ATP13A4: variants seen among roughly 807,000 people sequenced by gnomAD.
ATP13A4 encodes the protein probable cation-transporting ATPase 13A4.
ATP13A4 carries 114 observed loss-of-function variants against 142.5 expected under a neutral mutation model. The ratio of observed to expected loss-of-function variants is 0.80; its 90% CI spans 0.69 to 0.93. The LOEUF (loss-of-function observed/expected upper bound fraction) is 0.93. ATP13A4 is among the 40% of genes least tolerant of loss of function. The pLI is 0.00. For missense variants in ATP13A4, 1,392 were observed against 1,454.0 expected, an observed-to-expected ratio of 0.96 and a Z score of 0.69; for synonymous variants, 488 against 514.8, an observed-to-expected ratio of 0.95 and a Z score of 0.70.
At chr3:193,500,371 G>A (rs1228400489) in intron 3 of ATP13A4, among the ~76,000 whole-genome samples, 1 of 151,916 alleles carries the variant, frequency 6.6e-6, no homozygotes, top group Non-Finnish European at 1.5e-5. Flanking sequence ...CTCTTAGCCT[G>A]TTTCCAAACC....
At chr3:193,592,789 C>T (rs773647445) in intron 1 of ATP13A4, among the ~76,000 whole-genome samples, 8 of 152,208 alleles carry the variant, frequency 5.3e-5, no homozygotes, top group Non-Finnish European at 1.2e-4. Context: ...TGTGAAAGTG[C>T]TTTCAAACAA....
In ATP13A4 at chr3:193,455,145, T is replaced by C. The variant is rs556023468; in HGVS notation, c.1916-933A>G. Among the ~76,000 whole-genome samples the C allele has an allele frequency of 4.6e-5, 7 of 152,134 alleles. No homozygotes were observed. The South Asian group carries it at 1.5e-3, about 32-fold the overall frequency. On this transcript the variant is annotated intron_variant, in intron 16 of 29. Transcript: ENST00000342695. ...TGAGGTCAGGAAATCGAGACCATCC[T>C]GGCTAACACGGTGAAACCCCGTCTC... is the stretch of plus-strand genomic sequence containing the variant.
At chr3:193,562,885 T>C (rs1380015906) in intron 2 of ATP13A4, among the ~76,000 whole-genome samples, 1 of 151,794 alleles carries the variant, frequency 6.6e-6, no homozygotes, top group Non-Finnish European at 1.5e-5. Flanking sequence ...AAAATAACAA[T>C]AAAAATTAAA....
At chr3:193,512,955 C>T (rs982684904) in intron 2 of ATP13A4, among the ~76,000 whole-genome samples, 3 of 152,206 alleles carry the variant, frequency 2.0e-5, no homozygotes, top group Non-Finnish European at 1.5e-5. Context: ...AGCACAGCTC[C>T]AGCTCAACAT....
chr3:193,471,546 C>T (rs75625155), intron 8 of ATP13A4, among the ~76,000 whole-genome samples: 3 of 151,708 alleles, frequency 2.0e-5, no homozygotes, highest in Non-Finnish European at 4.4e-5. Flanking sequence ...CGTGCCACTG[C>T]ACTCCAGCCT....
At chr3:193,425,252 A>C (rs1313229773) in intron 25 of ATP13A4, among the ~76,000 whole-genome samples, 2 of 151,794 alleles carry the variant, frequency 1.3e-5, no homozygotes, top group African/African-American at 2.4e-5. Context: ...ACACTTACAT[A>C]CTGTTGGTCG....
chr3:193,523,900 A>G (rs1218659125), intron 1 of ATP13A4, among the ~76,000 whole-genome samples: 1 of 152,084 alleles, frequency 6.6e-6, no homozygotes, highest in East Asian at 1.9e-4. Flanking sequence ...CTCTCTCATT[A>G]GTTCCCACAA....
intron 7 of ATP13A4, among the ~76,000 whole-genome samples, chr3:193,485,142 G>A (rs1719530028): frequency 6.6e-6 from 1 of 151,812 alleles, no homozygotes; most frequent in Admixed American, 6.5e-5. Context: ...GAAATGCTGG[G>A]TGAATGAAGG....
intron 3 of ATP13A4, among the ~76,000 whole-genome samples, chr3:193,498,704 G>A (rs1254831323): frequency 3.9e-5 from 6 of 152,138 alleles, no homozygotes; most frequent in Non-Finnish European, 2.9e-5. Context: ...AGTGTCTAGA[G>A]CTTCCTTTTG....
chr3:193,448,750 G>A (rs1448842945), intron 17 of ATP13A4, among the ~76,000 whole-genome samples: 4 of 152,234 alleles, frequency 2.6e-5, no homozygotes, highest in African/African-American at 9.6e-5. Context: ...GAGTGATCCA[G>A]AAAGAGAACA....
chr3:193,484,086 A>C, intron 7 of ATP13A4, 81 bp from the exon 8 acceptor site: 1 of 1,193,964 alleles, frequency 8.4e-7, no homozygotes, highest in Non-Finnish European at 1.2e-6. Flanking sequence ...GGCTTCTTTA[A>C]AGATAGAGCA....
chr3:193,482,620 G>T (rs1016571453), intron 8 of ATP13A4, among the ~76,000 whole-genome samples: 3 of 152,064 alleles, frequency 2.0e-5, no homozygotes, highest in African/African-American at 7.2e-5. Context: ...ACCAAACAAG[G>T]TATATGAGCA....
chr3:193,463,132 G>A (rs1342018477), intron 12 of ATP13A4, among the ~76,000 whole-genome samples: 5 of 152,138 alleles, frequency 3.3e-5, no homozygotes, highest in Admixed American at 6.5e-5. Context: ...TGGAGTGCCC[G>A]TTGGAAGCGT....
chr3:193,585,562 T>G (rs1055693364), intron 1 of ATP13A4, among the ~76,000 whole-genome samples: 2 of 152,134 alleles, frequency 1.3e-5, no homozygotes, highest in Non-Finnish European at 2.9e-5. Context: ...CTTCTTCCAA[T>G]GTGGCCCAGG....
chr3:193,543,439 A>C (rs1447996653), intron 1 of ATP13A4, among the ~76,000 whole-genome samples: 1 of 152,200 alleles, frequency 6.6e-6, no homozygotes, highest in Non-Finnish European at 1.5e-5. Context: ...ATAAGAAACA[A>C]ACAACCCCAT....
intron 7 of ATP13A4, 26 bp from the exon 8 acceptor site, chr3:193,484,031 G>T: frequency 6.4e-7 from 1 of 1,563,646 alleles, no homozygotes; most frequent in African/African-American, 1.4e-5. Flanking sequence ...AAATGGAAAA[G>T]TCTTATCTAT....
At chr3:193,497,582 A>G (rs1186632647) in intron 3 of ATP13A4, among the ~76,000 whole-genome samples, 1 of 152,196 alleles carries the variant, frequency 6.6e-6, no homozygotes, top group Non-Finnish European at 1.5e-5. Context: ...TCTAAAGGAA[A>G]AGAAATCAGT....
At chr3:193,586,384 C>T (rs1042732464) in intron 1 of ATP13A4, among the ~76,000 whole-genome samples, 6 of 152,142 alleles carry the variant, frequency 3.9e-5, no homozygotes, top group South Asian at 4.1e-4. Flanking sequence ...TGTTACCTTC[C>T]GTGACGTAAG....
intron 25 of ATP13A4, among the ~76,000 whole-genome samples, chr3:193,432,049 T>C (rs1716006106): frequency 1.3e-5 from 2 of 151,846 alleles, no homozygotes; most frequent in South Asian, 4.2e-4. Flanking sequence ...CAGGGTCAAA[T>C]AAGAATTTTT....
Sources: allele counts gnomAD v4.1 joint callset (sites outside exome capture counted in the v4.1 genomes callset), GRCh38; gene constraint gnomAD v4.1.1; transcripts MANE v1.5; gene names NCBI Gene and HGNC (gene_info 2026-07-23, HGNC 2026-07-21).